CNOT11: variants seen among roughly 807,000 people sequenced by gnomAD.
The protein encoded by CNOT11 is CCR4-NOT transcription complex subunit 11, also known as UPF0760 protein C2orf29.
In CNOT11, 18 loss-of-function variants were observed where a neutral mutation model predicts 44.6. The observed-to-expected ratio is 0.40, with a 90% CI of 0.28 to 0.60. CNOT11 has a LOEUF of 0.60. Ranked by LOEUF, CNOT11 falls within the 20% of genes least tolerant of loss-of-function variation. The pLI, the probability that CNOT11 is intolerant of heterozygous loss-of-function variation, is 0.38. For missense variants in CNOT11, 513 were observed against 677.0 expected, an observed-to-expected ratio of 0.76 and a Z score of 2.69; for synonymous variants, 291 against 270.9, an observed-to-expected ratio of 1.07 and a Z score of -0.73.
chr2:101,267,824 C>A (rs1425766522), intron 5 of CNOT11, among the ~76,000 whole-genome samples: 1 of 152,128 alleles, frequency 6.6e-6, no homozygotes, highest in Non-Finnish European at 1.5e-5. Flanking sequence ...ATCCTGAGCT[C>A]CCTTTCACGT....
At position 101,253,126 on chromosome 2, in the gene CNOT11, G is replaced by T. The variant is rs2272320; in HGVS notation, c.162G>T (p.Pro54=). The part of the protein sequence containing the change: ...ASGPGSGSGG[P]GGPAGRMSLT... Reference sequence around the variant, plus strand: ...GCCCCGGGTCCGGGAGCGGAGGCCCGGGGGGCCCCGCGGGCAGGATGAGCT... The same window carrying T: ...GCCCCGGGTCCGGGAGCGGAGGCCCTGGGGGCCCCGCGGGCAGGATGAGCT... The change falls in exon 1 of 7, where the codon CCG becomes CCT. Residue 54 remains proline, a synonymous_variant. Coordinates refer to ENST00000289382, the MANE Select transcript of CNOT11 (RefSeq NM_017546.5). This position sits in a 1 kb window ranked among gnomAD's most constrained non-coding sequence, Gnocchi z 4.3. 0.41 allele frequency: 634,839 copies of T among 1,539,436 alleles called. 133,336 individuals carry two copies. The highest frequency in any genetic ancestry group is 0.52 in the East Asian group (20,469 of 39,680).
intron 3 of CNOT11, 24 bp downstream of exon 3, chr2:101,262,715 T>C: frequency 6.3e-7 from 1 of 1,597,286 alleles, no homozygotes; most frequent in Non-Finnish European, 8.6e-7. Context: ...AATTAATTTA[T>C]ACTCTTTGTT....
chr2:101,256,429 G>T (rs1239729595), intron 1 of CNOT11, among the ~76,000 whole-genome samples: 1 of 152,152 alleles, frequency 6.6e-6, no homozygotes, highest in Admixed American at 6.5e-5. Context: ...GAGGGGGCAG[G>T]AGTAGTCCCA....
At chr2:101,258,322 C>T (rs558611673) in intron 2 of CNOT11, among the ~76,000 whole-genome samples, 15 of 151,846 alleles carry the variant, frequency 9.9e-5, no homozygotes, top group South Asian at 2.1e-4. Flanking sequence ...AGCTTGAACC[C>T]GGGAGGTGGA....
rs899136791 is a variant in CNOT11, at chr2:101,270,122, C to A, written c.*709C>A. Reference sequence around the variant, plus strand: ...ATGTTCTGTTATTAGTCTGAGACAGCCATTTTTTTGTTTTAAGGAAAAATA... The same window carrying A: ...ATGTTCTGTTATTAGTCTGAGACAGACATTTTTTTGTTTTAAGGAAAAATA... On this transcript the variant is annotated 3_prime_UTR_variant, in exon 7 of 7. Transcript: ENST00000289382. 2 of 151,904 alleles carry A rather than the reference C, an allele frequency of 1.3e-5. No homozygotes were observed. Among genetic ancestry groups the A allele is most frequent in the African/African-American group, 4.9e-5 (2 of 41,188 alleles). The allele number at this position is 151,904 out of a possible 1,614,324, so 9.4% of individuals were successfully genotyped here.
chr2:101,261,844 CTT>C (rs3044629), intron 2 of CNOT11, among the ~76,000 whole-genome samples: 3 of 111,868 alleles, frequency 2.7e-5, no homozygotes, highest in African/African-American at 9.8e-5. Flanking sequence ...TTCTTTCTTT[CTT>C]TTTTTTTTTT....
chr2:101,254,905 G>T (rs1681704774), intron 1 of CNOT11, among the ~76,000 whole-genome samples: 1 of 152,110 alleles, frequency 6.6e-6, no homozygotes, highest in African/African-American at 2.4e-5. Flanking sequence ...TAGGGTGCTT[G>T]TATTAGAGGA....
In CNOT11 at chr2:101,264,995, G is replaced by A. The variant is rs1383777591; in HGVS notation, c.983G>A (p.Arg328Gln). The part of the protein sequence containing the change: ...VKNSTGVEIK[R>Q]IMAKAFKSPL... ...AATAGCACTGGTGTGGAGATCAAAC[G>A]AATAATGGCCAAAGCCTTCAAAAGC... The change falls in exon 4 of 7, where the codon CGA (arginine) becomes CAA (glutamine). Residue 328 changes from arginine (R) to glutamine (Q), a missense_variant. Physicochemically the swap from Arg to Gln is conservative, Grantham distance 43. Coordinates refer to ENST00000289382, the MANE Select transcript of CNOT11 (RefSeq NM_017546.5). The A allele has an allele frequency of 1.2e-6, 2 of 1,614,068 alleles. No individual in the cohort carries two copies. The highest frequency in any genetic ancestry group is 1.7e-6 in the Non-Finnish European group (2 of 1,179,986).
chr2:101,262,424 C>G, intron 2 of CNOT11, 115 bp from the exon 3 acceptor site: 1 of 885,466 alleles, frequency 1.1e-6, no homozygotes, highest in Non-Finnish European at 1.8e-6. Flanking sequence ...TTTTCTCTCT[C>G]TCTCTGAATC....
intron 5 of CNOT11, among the ~76,000 whole-genome samples, chr2:101,268,108 A>C (rs1406048130): frequency 1.3e-5 from 2 of 152,124 alleles, no homozygotes; most frequent in African/African-American, 4.8e-5. Context: ...CAGAGGGAGG[A>C]AATGTGAGGT....
intron 3 of CNOT11, among the ~76,000 whole-genome samples, chr2:101,264,370 G>T (rs1260825841): frequency 6.6e-6 from 1 of 152,172 alleles, no homozygotes; most frequent in Non-Finnish European, 1.5e-5. Flanking sequence ...TCCTCCTGCT[G>T]CTTCATCGCC....
chr2:101,256,097 C>G (rs1681730312), intron 1 of CNOT11, among the ~76,000 whole-genome samples: 2 of 151,488 alleles, frequency 1.3e-5, no homozygotes, highest in South Asian at 4.2e-4. Context: ...TGAGATCGCG[C>G]CACTGCACTC....
chr2:101,267,481 G>A (rs1573204323), intron 5 of CNOT11, among the ~76,000 whole-genome samples: 1 of 147,060 alleles, frequency 6.8e-6, no homozygotes, highest in Non-Finnish European at 1.5e-5. Flanking sequence ...TACAAATATA[G>A]ATACTATTTT....
intron 1 of CNOT11, among the ~76,000 whole-genome samples, chr2:101,255,237 T>C (rs1191143381): frequency 6.6e-6 from 1 of 152,016 alleles, no homozygotes; most frequent in Admixed American, 6.5e-5. Flanking sequence ...GGCTCACGCC[T>C]GTAATCCCAG....
chr2:101,255,224 G>A (rs1010875293), intron 1 of CNOT11, among the ~76,000 whole-genome samples: 5 of 152,064 alleles, frequency 3.3e-5, no homozygotes, highest in African/African-American at 1.2e-4. Flanking sequence ...GGCTGGGCGC[G>A]GTGGCTCACG....
At chr2:101,262,267 T>C (rs909202419) in intron 2 of CNOT11, among the ~76,000 whole-genome samples, 4 of 152,230 alleles carry the variant, frequency 2.6e-5, no homozygotes, top group Non-Finnish European at 5.9e-5. Flanking sequence ...AGCAGGTCCT[T>C]GAATAACACT....
At chr2:101,265,262 G>A (rs891497409) in intron 4 of CNOT11, among the ~76,000 whole-genome samples, 10 of 152,022 alleles carry the variant, frequency 6.6e-5, no homozygotes, top group African/African-American at 1.4e-4. Context: ...CACCATGCCC[G>A]GCTAATTTTT....
At chr2:101,265,285 G>A (rs2104368807) in intron 4 of CNOT11, among the ~76,000 whole-genome samples, 1 of 152,188 alleles carries the variant, frequency 6.6e-6, no homozygotes, top group Non-Finnish European at 1.5e-5. Context: ...ATTTTTATGA[G>A]ATGGGGTTTT....
intron 1 of CNOT11, among the ~76,000 whole-genome samples, chr2:101,255,988 A>G (rs765152712): frequency 3.9e-5 from 6 of 152,008 alleles, no homozygotes; most frequent in Non-Finnish European, 5.9e-5. Context: ...AAAATACAAA[A>G]ATTAGCCCGG....
Sources: allele counts gnomAD v4.1 joint callset (sites outside exome capture counted in the v4.1 genomes callset), GRCh38; gene constraint gnomAD v4.1.1; non-coding constraint Gnocchi (gnomAD v3.1); transcripts MANE v1.5; gene names NCBI Gene and HGNC (gene_info 2026-07-23, HGNC 2026-07-21).